FAF1: variants seen among roughly 807,000 people sequenced by gnomAD.
The protein encoded by FAF1 is FAS-associated factor 1.
In FAF1, 25 loss-of-function variants were observed where a neutral mutation model predicts 92.5. The observed-to-expected ratio is 0.27, with a 90% confidence interval of 0.20 to 0.38. The LOEUF (loss-of-function observed/expected upper bound fraction) is 0.38, where lower values mean the gene tolerates loss of function less well. FAF1 is among the 10% of genes least tolerant of loss of function. The pLI is 1.00. For synonymous variants in FAF1, 234 were observed against 273.2 expected, an observed-to-expected ratio of 0.86 and a Z score of 1.42; for missense variants, 636 against 793.3, an observed-to-expected ratio of 0.80 and a Z score of 2.38.
chr1:50,644,817 A>G (rs1557452773), intron 8 of FAF1, among the ~76,000 whole-genome samples: 1 of 152,244 alleles, frequency 6.6e-6, no homozygotes, highest in Non-Finnish European at 1.5e-5. Context: ...GCAGCAGTCT[A>G]CAGGTTTGGG....
chr1:50,667,826 T>C (rs1655701681), intron 7 of FAF1, among the ~76,000 whole-genome samples: 1 of 152,216 alleles, frequency 6.6e-6, no homozygotes, highest in African/African-American at 2.4e-5. Flanking sequence ...CTTCAAACTT[T>C]TTAAAATGCT....
chr1:50,767,045 G>A (rs902179586), intron 4 of FAF1, among the ~76,000 whole-genome samples: 1 of 152,120 alleles, frequency 6.6e-6, no homozygotes, highest in East Asian at 1.9e-4. Context: ...GGAGAAAGCT[G>A]AAACCCAATA....
intron 1 of FAF1, among the ~76,000 whole-genome samples, chr1:50,858,381 A>G (rs1570061300): frequency 6.6e-6 from 1 of 151,852 alleles, no homozygotes; most frequent in African/African-American, 2.4e-5. Flanking sequence ...CTCAAAATAT[A>G]TAACAGACCT....
At chr1:50,597,688 T>C (rs1278908985) in intron 8 of FAF1, among the ~76,000 whole-genome samples, 1 of 152,170 alleles carries the variant, frequency 6.6e-6, no homozygotes, top group Non-Finnish European at 1.5e-5. Context: ...AGGCCACATC[T>C]TAAGGAAAAA....
At chr1:50,795,948 G>T (rs555408460) in intron 3 of FAF1, among the ~76,000 whole-genome samples, 1 of 152,136 alleles carries the variant, frequency 6.6e-6, no homozygotes, top group Admixed American at 6.5e-5. Flanking sequence ...TCTGGGGCAT[G>T]TCTAGTAAGA....
chr1:50,904,864 A>G lies in FAF1; in HGVS notation c.46-46867T>C, dbSNP rs76440979. On this transcript the variant is annotated intron_variant, in intron 1 of 18. Transcript: ENST00000396153. The stretch of plus-strand genomic sequence containing the variant: ...ATATCTTTTAAGCCATCTGAATAAT[A>G]TTTCCTATTTTTTTCCTTTTTTTTT... Among the ~76,000 whole-genome samples the G allele has an allele frequency of 5.3e-3, 805 of 151,892 alleles. 5 individuals carry two copies. Among genetic ancestry groups the G allele is most frequent in the African/African-American group, 0.019 (770 of 41,392 alleles).
intron 4 of FAF1, among the ~76,000 whole-genome samples, chr1:50,749,836 C>T (rs1220707773): frequency 6.6e-6 from 1 of 151,414 alleles, no homozygotes; most frequent in African/African-American, 2.4e-5. Context: ...TCTTCTTCTG[C>T]AAAGTGGAAA....
chr1:50,689,462 C>T (rs1256506813), intron 7 of FAF1, among the ~76,000 whole-genome samples: 1 of 152,086 alleles, frequency 6.6e-6, no homozygotes, highest in African/African-American at 2.4e-5. Flanking sequence ...CAGGCACCTG[C>T]GGTCCGGACT....
At chr1:50,591,654 C>T in intron 9 of FAF1, among the ~76,000 whole-genome samples, 1 of 126,482 alleles carries the variant, frequency 7.9e-6, no homozygotes, top group East Asian at 2.4e-4. Context: ...CCCTAGGCAA[C>T]AGAGCGAGAC....
At chr1:50,638,261 A>T (rs959596815) in intron 8 of FAF1, among the ~76,000 whole-genome samples, 3 of 152,070 alleles carry the variant, frequency 2.0e-5, no homozygotes, top group Admixed American at 1.3e-4. Flanking sequence ...AAAACAAAAA[A>T]AGTTTTATTT....
chr1:50,923,161 A>G (rs1219051213), intron 1 of FAF1, among the ~76,000 whole-genome samples: 1 of 152,220 alleles, frequency 6.6e-6, no homozygotes, highest in Non-Finnish European at 1.5e-5. Context: ...ACGCACACCT[A>G]TAATCTCAAT....
chr1:50,760,548 C>T (rs1295474538), intron 4 of FAF1, among the ~76,000 whole-genome samples: 2 of 152,158 alleles, frequency 1.3e-5, no homozygotes, highest in Non-Finnish European at 2.9e-5. Flanking sequence ...TAAAACTGCT[C>T]AACTACATGG....
At chr1:50,857,693 A>G (rs1644400774) in intron 2 of FAF1, among the ~76,000 whole-genome samples, 1 of 151,842 alleles carries the variant, frequency 6.6e-6, no homozygotes. Flanking sequence ...ACCATAACAC[A>G]CAGTAAAATA....
At chr1:50,920,332 T>C (rs892594416) in intron 1 of FAF1, among the ~76,000 whole-genome samples, 4 of 135,894 alleles carry the variant, frequency 2.9e-5, no homozygotes, top group African/African-American at 1.1e-4. Flanking sequence ...AGAAAGAAAA[T>C]ATGCTTTGGA....
At chr1:50,612,363 GATAA>G (rs746183508) in intron 8 of FAF1, 1 of 1,241,804 alleles carries the variant, frequency 8.1e-7, no homozygotes, top group South Asian at 1.4e-5. Flanking sequence ...TTATAAGTTT[GATAA>G]ATAAAGAGGT....
chr1:50,904,991 C>T (rs545364587), intron 1 of FAF1, among the ~76,000 whole-genome samples: 1 of 151,698 alleles, frequency 6.6e-6, no homozygotes, highest in African/African-American at 2.4e-5. Flanking sequence ...CACCCATTAA[C>T]TCATCATTTA....
At chr1:50,864,281 TTTAA>T in intron 1 of FAF1, among the ~76,000 whole-genome samples, 1 of 150,006 alleles carries the variant, frequency 6.7e-6, no homozygotes, top group Non-Finnish European at 1.5e-5. Context: ...TTCTAGTTCT[TTTAA>T]TTGTGATGTT....
intron 1 of FAF1, among the ~76,000 whole-genome samples, chr1:50,907,807 C>T (rs1644852514): frequency 6.6e-6 from 1 of 152,032 alleles, no homozygotes; most frequent in South Asian, 2.1e-4. Context: ...TTTTGCTGAT[C>T]TTTTCAAAAA....
intron 2 of FAF1, among the ~76,000 whole-genome samples, chr1:50,809,041 G>C (rs1449539241): frequency 6.6e-6 from 1 of 152,034 alleles, no homozygotes; most frequent in African/African-American, 2.4e-5. Context: ...TAATATATAG[G>C]AGACTTCAAC....
Sources: gnomAD v4.1 joint callset for allele counts (sites outside exome capture counted in the v4.1 genomes callset) on GRCh38, gnomAD v4.1.1 for gene constraint, MANE v1.5 for transcripts, NCBI Gene and HGNC (gene_info 2026-07-23, HGNC 2026-07-21) for gene names.